The following TBC1D14 variants were observed in gnomAD, a reference collection of about 807,000 sequenced individuals.
TBC1D14 encodes the protein TBC1 domain family, member 14.
A neutral mutation model predicts 79.0 loss-of-function variants in TBC1D14; 26 were observed. The observed-to-expected ratio is 0.33, with a 90% CI of 0.24 to 0.46. TBC1D14 has a LOEUF of 0.46. Ranked by LOEUF, TBC1D14 falls within the 20% of genes least tolerant of loss-of-function variation. The pLI, the probability that TBC1D14 is intolerant of heterozygous loss-of-function variation, is 1.00. For synonymous variants in TBC1D14, 394 were observed against 349.9 expected (o/e 1.13, Z -1.40); for missense variants, 769 against 887.6 (o/e 0.87, Z 1.70).
At chr4:6,966,973 C>G (rs1180953284) in intron 2 of TBC1D14, among the ~76,000 whole-genome samples, 2 of 152,074 alleles carry the variant, frequency 1.3e-5, no homozygotes, top group Non-Finnish European at 2.9e-5. Flanking sequence ...CCATGCTGGG[C>G]TAATTTTTTG....
chr4:6,922,767 G>C (rs1041015112), intron 1 of TBC1D14, among the ~76,000 whole-genome samples: 1 of 152,120 alleles, frequency 6.6e-6, no homozygotes, highest in African/African-American at 2.4e-5. Flanking sequence ...CGCCCCCCAA[G>C]CCCAGTCCTC....
intron 3 of TBC1D14, among the ~76,000 whole-genome samples, chr4:6,971,095 G>T (rs1716186894): frequency 6.6e-6 from 1 of 151,948 alleles, no homozygotes; most frequent in African/African-American, 2.4e-5. Flanking sequence ...AGGAGCCTGT[G>T]GTTGAGCTGG....
In TBC1D14 at chr4:7,010,673, A is replaced by G. The variant is rs757713754; in HGVS notation, c.1539A>G (p.Ile513Met). ...DVGYVQGMSF[I>M]AAVLILNLDT... Reference sequence around the variant, plus strand: ...CTCAGGTCCAGGGCATGTCCTTCATAGCAGCAGTGTTGATCTTGAACTTAG... The same window carrying G: ...CTCAGGTCCAGGGCATGTCCTTCATGGCAGCAGTGTTGATCTTGAACTTAG... The change falls in exon 11 of 14, where the codon ATA becomes ATG. Residue 513 changes from isoleucine (I) to methionine (M), a missense_variant. Physicochemically the swap from Ile to Met is conservative, Grantham distance 10. This residue lies in a region of TBC1D14 where 367 missense variants were observed against 494.4 expected (regional missense o/e 0.74). Coordinates refer to ENST00000409757, the MANE Select transcript of TBC1D14 (RefSeq NM_020773.3). 6.2e-7 allele frequency: 1 copy of G among 1,614,028 alleles called. No individual in the cohort carries two copies. The highest frequency in any genetic ancestry group is 8.5e-7 in the Non-Finnish European group (1 of 1,179,984).
chr4:6,959,170 C>T (rs1714952646), intron 2 of TBC1D14, among the ~76,000 whole-genome samples: 1 of 152,126 alleles, frequency 6.6e-6, no homozygotes. Context: ...CAGGCGTGAG[C>T]CACCGCGCCC....
At chr4:6,933,312 T>C (rs865927490) in intron 2 of TBC1D14, among the ~76,000 whole-genome samples, 1 of 54,422 alleles carries the variant, frequency 1.8e-5, no homozygotes, top group Non-Finnish European at 3.5e-5. Context: ...CCCTTCCCCT[T>C]CCCTTTTCTA....
intron 6 of TBC1D14, among the ~76,000 whole-genome samples, chr4:6,999,668 G>T (rs2109190918): frequency 6.6e-6 from 1 of 152,202 alleles, no homozygotes. Flanking sequence ...CAGGCCCTGT[G>T]TCTGGAGTGC....
At chr4:6,922,210 C>T (rs1190608142) in intron 1 of TBC1D14, among the ~76,000 whole-genome samples, 1 of 152,116 alleles carries the variant, frequency 6.6e-6, no homozygotes, top group Non-Finnish European at 1.5e-5. Context: ...TGTGCCACCA[C>T]CCCCAGTTGA....
chr4:6,968,248 A>G (rs1715880883), intron 3 of TBC1D14, among the ~76,000 whole-genome samples: 1 of 152,118 alleles, frequency 6.6e-6, no homozygotes. Flanking sequence ...GTTGGAAGGG[A>G]CACAGTACCC....
At chr4:6,949,965 A>G (rs1713873959) in intron 2 of TBC1D14, among the ~76,000 whole-genome samples, 1 of 152,118 alleles carries the variant, frequency 6.6e-6, no homozygotes, top group Non-Finnish European at 1.5e-5. Flanking sequence ...TTACATAGGT[A>G]TACATGTGTT....
chr4:6,994,850 G>A (rs1718847316), intron 4 of TBC1D14, among the ~76,000 whole-genome samples: 1 of 143,320 alleles, frequency 7.0e-6, no homozygotes, highest in South Asian at 2.2e-4. Flanking sequence ...GGCAACAAGA[G>A]CAAAACTCCG....
At chr4:7,020,415 C>T (rs1310763527) in intron 12 of TBC1D14, among the ~76,000 whole-genome samples, 1 of 152,200 alleles carries the variant, frequency 6.6e-6, no homozygotes, top group African/African-American at 2.4e-5. Context: ...CTAGCACTGT[C>T]TAATCTAACT....
At chr4:6,976,731 T>G (rs1047217978) in intron 3 of TBC1D14, among the ~76,000 whole-genome samples, 1 of 152,220 alleles carries the variant, frequency 6.6e-6, no homozygotes, top group Non-Finnish European at 1.5e-5. Context: ...GCAGAAATTG[T>G]CAGGATCTGG....
chr4:6,947,560 G>T (rs1021952215), intron 2 of TBC1D14, among the ~76,000 whole-genome samples: 6 of 151,814 alleles, frequency 4.0e-5, no homozygotes, highest in Admixed American at 3.9e-4. Context: ...TACTCAGGAG[G>T]CTGAGGCAGG....
intron 2 of TBC1D14, among the ~76,000 whole-genome samples, chr4:6,942,721 C>G (rs1396039245): frequency 6.6e-6 from 1 of 152,052 alleles, no homozygotes; most frequent in Non-Finnish European, 1.5e-5. Context: ...CTGCCTTCCC[C>G]GCCCCCACAT....
At chr4:7,012,577 G>A (rs949280031) in intron 11 of TBC1D14, among the ~76,000 whole-genome samples, 7 of 152,168 alleles carry the variant, frequency 4.6e-5, no homozygotes, top group African/African-American at 1.7e-4. Context: ...ATTAAAATTT[G>A]GTAAGTGATC....
Position 6,950,857 on chromosome 4 carries a change from T to C in TBC1D14, c.723-16447T>C, listed in dbSNP as rs146595329. 2.4e-3 allele frequency among the ~76,000 whole-genome samples: 360 copies of C among 152,370 alleles called. 2 individuals are homozygous for C. The highest frequency in any genetic ancestry group is 8.3e-3 in the African/African-American group (347 of 41,590). ...TGTCTATATTTATAAGGGTATGGGC[T>C]GTAATTTTCCTTTTGGTTTTGATAT... is the stretch of plus-strand genomic sequence containing the variant. On this transcript the variant is annotated intron_variant, in intron 2 of 13. Transcript: ENST00000409757.
At chr4:6,969,616 A>G (rs979641503) in intron 3 of TBC1D14, among the ~76,000 whole-genome samples, 2 of 152,164 alleles carry the variant, frequency 1.3e-5, no homozygotes, top group Admixed American at 6.5e-5. Context: ...CATGTTAGCC[A>G]GGATGGTCTC....
At chr4:6,915,123 C>G (rs993998469) in intron 1 of TBC1D14, among the ~76,000 whole-genome samples, 4 of 152,182 alleles carry the variant, frequency 2.6e-5, no homozygotes, top group African/African-American at 9.6e-5. Context: ...AGGGAGGTGC[C>G]CCATTGCCCA....
At chr4:6,974,782 T>C (rs376053456) in intron 3 of TBC1D14, among the ~76,000 whole-genome samples, 3 of 152,060 alleles carry the variant, frequency 2.0e-5, no homozygotes, top group Admixed American at 1.3e-4. Flanking sequence ...ATGTCTAGAA[T>C]GCAGTTCAAA....
Sources: allele counts gnomAD v4.1 joint callset (sites outside exome capture counted in the v4.1 genomes callset), GRCh38; gene constraint gnomAD v4.1.1; regional missense constraint gnomAD v4.1.1; transcripts MANE v1.5; gene names NCBI Gene and HGNC (gene_info 2026-07-23, HGNC 2026-07-21).